Variants in MARCO observed in about 807,000 individuals in gnomAD.
The protein encoded by MARCO is macrophage receptor with collagenous structure.
Under a neutral mutation model 70.0 loss-of-function variants are expected in MARCO, and 72 were observed. The observed-to-expected ratio is 1.03, with a 90% CI of 0.85 to 1.25. The LOEUF is 1.25. Among genes scored for constraint, MARCO ranks in the 50% most tolerant of loss-of-function variants. The pLI, the probability that MARCO is intolerant of heterozygous loss-of-function variation, is 0.00. For missense variants in MARCO, 696 were observed against 659.3 expected (o/e 1.06, Z -0.61); for synonymous variants, 273 against 243.1 (o/e 1.12, Z -1.14).
intron 1 of MARCO, among the ~76,000 whole-genome samples, chr2:118,948,645 A>G (rs1355519195): frequency 1.3e-5 from 2 of 152,192 alleles, no homozygotes; most frequent in East Asian, 3.8e-4. Flanking sequence ...ACTTTCTACA[A>G]TCCCTCCTCT....
chr2:118,982,453 G>A, intron 12 of MARCO, 43 bp downstream of exon 12: 1 of 1,576,162 alleles, frequency 6.3e-7, no homozygotes, highest in Non-Finnish European at 8.7e-7. Context: ...CTTGCTGGGT[G>A]GCAGGATGGA....
intron 1 of MARCO, among the ~76,000 whole-genome samples, chr2:118,945,146 T>C (rs1679571322): frequency 6.6e-6 from 1 of 152,146 alleles, no homozygotes; most frequent in Non-Finnish European, 1.5e-5. Flanking sequence ...CTCAGAGCCA[T>C]AGAAACTGCT....
At chr2:118,981,038 T>A (rs1413152136) in intron 8 of MARCO, among the ~76,000 whole-genome samples, 1 of 152,238 alleles carries the variant, frequency 6.6e-6, no homozygotes, top group Non-Finnish European at 1.5e-5. Context: ...ATTTGGGATC[T>A]GCTTTTCGGA....
At chr2:118,945,163 C>T (rs1443925811) in intron 1 of MARCO, among the ~76,000 whole-genome samples, 1 of 152,088 alleles carries the variant, frequency 6.6e-6, no homozygotes, top group Non-Finnish European at 1.5e-5. Flanking sequence ...TGCTCTTTTG[C>T]CCCATCATCC....
At chr2:118,991,440 C>G (rs115456711) in intron 13 of MARCO, among the ~76,000 whole-genome samples, 130 of 152,206 alleles carry the variant, frequency 8.5e-4, no homozygotes, top group Non-Finnish European at 1.6e-3. Flanking sequence ...GTTACTATTT[C>G]AATTCACTAA....
chr2:118,992,390 C>T (rs1402931221), intron 14 of MARCO, 42 bp from the exon 15 acceptor site: 3 of 1,588,792 alleles, frequency 1.9e-6, no homozygotes, highest in Non-Finnish European at 2.6e-6. Flanking sequence ...GGCGTCCTGC[C>T]TGGGTTTCTT....
At chr2:118,961,199 T>C (rs1303837317) in intron 1 of MARCO, among the ~76,000 whole-genome samples, 2 of 152,210 alleles carry the variant, frequency 1.3e-5, no homozygotes, top group Non-Finnish European at 2.9e-5. Context: ...GCAATGAACA[T>C]ACATGTGCCA....
At position 118,994,591 on chromosome 2, in the gene MARCO, TG is replaced by T; in HGVS notation, c.*72del. 1 of 1,426,014 alleles carries T rather than the reference TG, an allele frequency of 7.0e-7. No homozygotes were observed. Among genetic ancestry groups the T allele is most frequent in the Non-Finnish European group, 9.4e-7 (1 of 1,060,116 alleles). 88.3% of individuals were successfully genotyped at this position (1,426,014 alleles called of 1,614,324 possible). On this transcript the variant is annotated 3_prime_UTR_variant, in exon 17 of 17. Transcript: ENST00000327097. ...CATATGTGGGAAGGCAGAGGATCTCTGAGGAGTTCCCTGGGGACAACTGAGC... is the reference window on the plus strand; with the variant it reads ...CATATGTGGGAAGGCAGAGGATCTCTAGGAGTTCCCTGGGGACAACTGAGC...
rs1680505947 is a variant in MARCO at position 118,986,672 on chromosome 2, G to GGAAGGAAAGAAAGAAAGAAA, written c.1064-3914_1064-3913insGGAAAGAAAGAAAGAAAGAA. On this transcript the variant is annotated intron_variant, in intron 12 of 16. Transcript: ENST00000327097. The stretch of plus-strand genomic sequence containing the variant: ...AAGAAAGAAGGAAGGAAGGAAGGAA[G>GGAAGGAAAGAAAGAAAGAAA]GAAAGAAAGAAAGAAAGAAAGAAAG... 3.8e-3 allele frequency among the ~76,000 whole-genome samples: 186 copies of GGAAGGAAAGAAAGAAAGAAA among 48,678 alleles called. 11 individuals carry two copies. The highest frequency in any genetic ancestry group is 8.3e-3 in the African/African-American group (62 of 7,454). The allele number at this position is 48,678 out of a possible 152,430, so 31.9% of individuals were successfully genotyped here.
intron 12 of MARCO, among the ~76,000 whole-genome samples, chr2:118,984,660 G>T (rs1680452736): frequency 6.6e-6 from 1 of 152,156 alleles, no homozygotes; most frequent in Middle Eastern, 3.2e-3. Flanking sequence ...AATTTAGCTG[G>T]GTATGTAGAT....
At chr2:118,981,383 C>T (rs748604495) in intron 8 of MARCO, 26 bp from the exon 9 acceptor site, 2 of 1,509,780 alleles carry the variant, frequency 1.3e-6, no homozygotes, top group Non-Finnish European at 1.8e-6. Flanking sequence ...CCTCCCACAA[C>T]TAACCAAGAC....
chr2:118,986,586 GAAGAAAGAAAGAAAGAAAGA>G (rs755693328), intron 12 of MARCO, among the ~76,000 whole-genome samples: 10 of 46,664 alleles, frequency 2.1e-4, no homozygotes, highest in South Asian at 7.8e-4. Context: ...GGGAAGGAAA[GAAGAAAGAAAGAAAGAAAGA>G]AAGAAAGAAA....
chr2:118,988,259 C>T (rs937192625), intron 12 of MARCO, among the ~76,000 whole-genome samples: 1 of 151,986 alleles, frequency 6.6e-6, no homozygotes, highest in Non-Finnish European at 1.5e-5. Flanking sequence ...GGGCTATGGA[C>T]CTGGTGAACA....
chr2:118,945,570 G>A (rs1200361404), intron 1 of MARCO, among the ~76,000 whole-genome samples: 1 of 151,852 alleles, frequency 6.6e-6, no homozygotes, highest in African/African-American at 2.4e-5. Flanking sequence ...CCACCACCAT[G>A]CCCGGCTAAC....
chr2:118,945,779 A>C (rs1009132255), intron 1 of MARCO, among the ~76,000 whole-genome samples: 3 of 152,172 alleles, frequency 2.0e-5, no homozygotes, highest in Non-Finnish European at 4.4e-5. Context: ...TCTGAAGAAC[A>C]TTCTTCTTGA....
chr2:118,952,632 A>G (rs978102), intron 1 of MARCO: 103,637 of 152,086 alleles, frequency 0.68, 35,668 homozygotes, highest in East Asian at 0.77. Context: ...GCACAAAGTC[A>G]TCGCTGCAGT....
intron 1 of MARCO, among the ~76,000 whole-genome samples, chr2:118,957,467 T>C (rs1679859294): frequency 6.6e-6 from 1 of 151,996 alleles, no homozygotes; most frequent in Admixed American, 6.5e-5. Context: ...AACAGACCAA[T>C]AGCAAGCAGC....
chr2:118,959,200 A>G (rs1679894575), intron 1 of MARCO, among the ~76,000 whole-genome samples: 1 of 152,334 alleles, frequency 6.6e-6, no homozygotes, highest in East Asian at 1.9e-4. Context: ...GTAAACAGAC[A>G]ACCCACAGAG....
At chr2:118,978,692 G>A (rs1303308242) in intron 8 of MARCO, among the ~76,000 whole-genome samples, 2 of 152,152 alleles carry the variant, frequency 1.3e-5, no homozygotes, top group African/African-American at 4.8e-5. Flanking sequence ...GAAAAGAATG[G>A]TAATTAAGTT....
Sources: allele counts gnomAD v4.1 joint callset (sites outside exome capture counted in the v4.1 genomes callset), GRCh38; gene constraint gnomAD v4.1.1; transcripts MANE v1.5; gene names NCBI Gene and HGNC (gene_info 2026-07-23, HGNC 2026-07-21).